The following GRAMD4 variants were observed in gnomAD, a reference collection of about 807,000 sequenced individuals.
The protein encoded by GRAMD4 is GRAM domain-containing protein 4.
A neutral mutation model predicts 83.9 loss-of-function variants in GRAMD4; 25 were observed. The observed-to-expected ratio is 0.30, with a 90% CI of 0.22 to 0.42. The LOEUF is 0.42. Among genes scored for constraint, GRAMD4 ranks in the 10% least tolerant of loss-of-function variants. The pLI is 1.00. For synonymous variants in GRAMD4, 336 were observed against 320.9 expected, an observed-to-expected ratio of 1.05 and a Z score of -0.50; for missense variants, 593 against 788.7, an observed-to-expected ratio of 0.75 and a Z score of 2.97.
chr22:46,640,452 G>T (rs1202094934), intron 3 of GRAMD4, among the ~76,000 whole-genome samples: 1 of 152,164 alleles, frequency 6.6e-6, no homozygotes, highest in Non-Finnish European at 1.5e-5. Flanking sequence ...AACCCACAGG[G>T]CTGCCTCTCT....
intron 3 of GRAMD4, among the ~76,000 whole-genome samples, chr22:46,654,398 G>T (rs1167730088): frequency 6.6e-6 from 1 of 152,214 alleles, no homozygotes; most frequent in Non-Finnish European, 1.5e-5. Context: ...GCAGGGTGTT[G>T]TCCCCTCTGT....
intron 3 of GRAMD4, among the ~76,000 whole-genome samples, chr22:46,645,855 G>T (rs2082064770): frequency 6.6e-6 from 1 of 152,236 alleles, no homozygotes; most frequent in Non-Finnish European, 1.5e-5. Context: ...TTTGAGCGCG[G>T]TTGCCGTGCA....
At chr22:46,611,488 A>G (rs2147092225) in intron 1 of GRAMD4, among the ~76,000 whole-genome samples, 1 of 152,188 alleles carries the variant, frequency 6.6e-6, no homozygotes, top group Admixed American at 6.5e-5. Context: ...CCCGAACCTC[A>G]GTTTACCCAT....
intron 3 of GRAMD4, among the ~76,000 whole-genome samples, chr22:46,654,658 C>T (rs2082216615): frequency 6.6e-6 from 1 of 152,244 alleles, no homozygotes; most frequent in Admixed American, 6.5e-5. Context: ...ACTCCGTGCA[C>T]GGCCCGCTGG....
intron 13 of GRAMD4, among the ~76,000 whole-genome samples, chr22:46,670,118 C>T (rs989481079): frequency 4.6e-5 from 7 of 152,198 alleles, no homozygotes; most frequent in African/African-American, 1.2e-4. Context: ...GGTCAGACCC[C>T]GGCCCCTCAG....
Position 46,673,661 on chromosome 22 carries a change from C to G in GRAMD4, c.1240-9C>G, listed in dbSNP as rs759748612. On this transcript the variant is annotated splice_polypyrimidine_tract_variant and intron_variant, in intron 14 of 18. Coordinates refer to ENST00000406902, the MANE Select transcript of GRAMD4 (RefSeq NM_015124.5). ...CGGGCCTGACCTCGACGCTGTTTGC[C>G]GTTGGCAGCTGCAGACGACCTCGTC... 4 of 1,609,396 alleles carry G rather than the reference C, an allele frequency of 2.5e-6. No homozygotes were observed. Among genetic ancestry groups the G allele is most frequent in the Middle Eastern group, 1.6e-4 (1 of 6,064 alleles).
intron 1 of GRAMD4, among the ~76,000 whole-genome samples, chr22:46,604,795 G>A (rs1219686558): frequency 1.3e-5 from 2 of 150,438 alleles, no homozygotes; most frequent in Non-Finnish European, 3.0e-5. Flanking sequence ...AATGTTCTCC[G>A]GGTTCACCCA....
chr22:46,677,924 G>A lies in GRAMD4; in HGVS notation c.*673G>A, dbSNP rs1418318913. ...CCCTCGCCTGCCCTCAGTGTCTTTG[G>A]TGGCACCTTCCTTGCTGGCCTCCAG... On this transcript the variant is annotated 3_prime_UTR_variant, in exon 19 of 19. Coordinates refer to ENST00000406902, the MANE Select transcript of GRAMD4 (RefSeq NM_015124.5). The A allele has an allele frequency of 1.0e-6, 1 of 985,060 alleles. No homozygotes were observed. Among genetic ancestry groups the A allele is most frequent in the Non-Finnish European group, 1.2e-6 (1 of 829,642 alleles). The allele number at this position is 985,060 out of a possible 1,614,324, so 61.0% of individuals were successfully genotyped here.
At chr22:46,611,441 G>A (rs1368516877) in intron 1 of GRAMD4, among the ~76,000 whole-genome samples, 1 of 152,094 alleles carries the variant, frequency 6.6e-6, no homozygotes, top group Non-Finnish European at 1.5e-5. Context: ...GAGTCAGTTC[G>A]TGTTCCTGTT....
At chr22:46,618,312 A>G (rs895393177), upstream of GRAMD4, among the ~76,000 whole-genome samples, 8 of 152,090 alleles carry the variant, frequency 5.3e-5, no homozygotes, top group East Asian at 1.5e-3. This position sits in a 1 kb window ranked among gnomAD's most constrained non-coding sequence, Gnocchi z 5.8. Context: ...GCAGGACTGG[A>G]GGCACAAGCG....
chr22:46,618,471 G>A (rs1055206847), upstream of GRAMD4, among the ~76,000 whole-genome samples: 1 of 152,154 alleles, frequency 6.6e-6, no homozygotes, highest in Non-Finnish European at 1.5e-5. This position sits in a 1 kb window ranked among gnomAD's most constrained non-coding sequence, Gnocchi z 5.8. Flanking sequence ...GGACAGAGGC[G>A]GTGGTCGGAG....
At chr22:46,636,342 G>T (rs1271586341) in intron 2 of GRAMD4, among the ~76,000 whole-genome samples, 1 of 152,172 alleles carries the variant, frequency 6.6e-6, no homozygotes, top group African/African-American at 2.4e-5. Context: ...CACAGGGTCC[G>T]TCCAGCGGGC....
At chr22:46,632,540 C>T (rs566153273) in intron 2 of GRAMD4, among the ~76,000 whole-genome samples, 1 of 152,306 alleles carries the variant, frequency 6.6e-6, no homozygotes, top group African/African-American at 2.4e-5. Flanking sequence ...GCCTCTGACT[C>T]CAGCTCAGGG....
At chr22:46,613,692 G>T (rs553521280) in intron 1 of GRAMD4, among the ~76,000 whole-genome samples, 1 of 152,196 alleles carries the variant, frequency 6.6e-6, no homozygotes, top group Admixed American at 6.5e-5. Flanking sequence ...CCAGGATGGG[G>T]CTAGAGGTCA....
At chr22:46,604,279 G>A (rs538583561) in intron 1 of GRAMD4, among the ~76,000 whole-genome samples, 1 of 152,212 alleles carries the variant, frequency 6.6e-6, no homozygotes, top group East Asian at 1.9e-4. Flanking sequence ...GATCCAGATT[G>A]TCTTGGTTCT....
chr22:46,634,249 C>T (rs1363655634), intron 2 of GRAMD4, among the ~76,000 whole-genome samples: 1 of 152,150 alleles, frequency 6.6e-6, no homozygotes, highest in African/African-American at 2.4e-5. Flanking sequence ...TGACTTCCTC[C>T]TCCAGACAGG....
intron 3 of GRAMD4, among the ~76,000 whole-genome samples, chr22:46,656,241 G>A (rs769190631): frequency 6.6e-6 from 1 of 152,226 alleles, no homozygotes; most frequent in African/African-American, 2.4e-5. Context: ...TGGTAAATTC[G>A]AATATTTTCT....
In GRAMD4 at chr22:46,672,973, C is replaced by T. The variant is rs1047432807; in HGVS notation, c.1215C>T (p.Arg405=). ...CCACCGACCCGCAGCTCAAGGAGCG[C>T]TCCAGCGCCGCAGTCTCACGCAGGG... ...SLPTDPQLKE[R]SSAAVSRRLQ... Residue 405 remains arginine (R), a synonymous_variant, in exon 14 of 19, where the codon CGC becomes CGT. Transcript: ENST00000406902. This position sits in a 1 kb window ranked among gnomAD's most constrained non-coding sequence, Gnocchi z 4.7. 3.1e-6 allele frequency: 5 copies of T among 1,606,130 alleles called. No homozygotes were observed. The African/African-American group carries it at 4.0e-5, about 13-fold the overall frequency.
chr22:46,640,784 C>A (rs913268052), intron 3 of GRAMD4, among the ~76,000 whole-genome samples: 9 of 152,120 alleles, frequency 5.9e-5, no homozygotes, highest in Non-Finnish European at 1.2e-4. Context: ...GCAGGCTTCC[C>A]CGACACGCCC....
Sources: allele counts gnomAD v4.1 joint callset (sites outside exome capture counted in the v4.1 genomes callset), GRCh38; gene constraint gnomAD v4.1.1; non-coding constraint Gnocchi (gnomAD v3.1); transcripts MANE v1.5; gene names NCBI Gene and HGNC (gene_info 2026-07-23, HGNC 2026-07-21).